The following DACT2 variants were observed in gnomAD, a reference collection of about 807,000 sequenced individuals.
DACT2 encodes dishevelled binding antagonist of beta catenin 2, also known as dapper homolog 2.
In DACT2, 20 loss-of-function variants were observed where a neutral mutation model predicts 22.2. The ratio of observed to expected loss-of-function variants is 0.90; its 90% CI spans 0.63 to 1.31. The LOEUF (loss-of-function observed/expected upper bound fraction) is 1.31, where lower values mean the gene tolerates loss of function less well. DACT2 is among the 50% of genes most tolerant of loss of function. The pLI is 0.00. For missense variants in DACT2, 1,048 were observed against 1,061.4 expected (o/e 0.99, Z 0.18); for synonymous variants, 463 against 479.8 (o/e 0.96, Z 0.46).
At chr6:168,311,103 T>G in intron 2 of DACT2, 49 bp downstream of exon 2, 1 of 1,481,670 alleles carries the variant, frequency 6.7e-7, no homozygotes. Context: ...CACCTCTGCC[T>G]GTGCTGCGTG....
rs772530731 is a variant in DACT2, at chr6:168,307,668, G to A, written c.2089C>T (p.Arg697Cys). 10 of 1,549,292 alleles carry A rather than the reference G, an allele frequency of 6.5e-6. No homozygotes were observed. In the East Asian group the frequency reaches 1.5e-4, roughly 23 times the overall value. ...TCCTCGTCGCTGCTGCTGGACTCAC[G>A]GTCTCCGAATCGGTTGGTGGTGTGG... ...SDHTTNRFGDRESSSSDEEGG... is the reference protein window; with the variant it reads ...SDHTTNRFGDCESSSSDEEGG... The change falls in exon 4 of 4, where the codon CGT becomes TGT. Residue 697 changes from arginine (R) to cysteine (C), a missense_variant. Transcript: ENST00000366795. This position sits in a 1 kb window ranked among gnomAD's most constrained non-coding sequence, Gnocchi z 5.3.
rs532988991 is a variant in DACT2 at position 168,310,364 on chromosome 6, C to A, written c.462G>T (p.Ser154=). 3 of 1,551,598 alleles carry A rather than the reference C, an allele frequency of 1.9e-6. No homozygotes were observed. The highest frequency in any genetic ancestry group is 2.6e-6 in the Non-Finnish European group (3 of 1,146,956). The change falls in exon 3 of 4, where the codon TCG becomes TCT. Residue 154 remains serine, a synonymous_variant. Transcript: ENST00000366795. ...ASVCSDHISP[S]LGSLLPVAQA... ...GGGCCACAGGCAACAAACTGCCCAG[C>A]GAGGGAGAGATGTGGTCACTGCAGA...
At chr6:168,306,652 A>T (rs1779214112), downstream of DACT2, among the ~76,000 whole-genome samples, 3 of 149,630 alleles carry the variant, frequency 2.0e-5, no homozygotes, top group South Asian at 6.3e-4. Flanking sequence ...GGGTTTCACC[A>T]TGTTGGCCAG....
intron 3 of DACT2, chr6:168,298,926 G>A (rs1779053421): frequency 6.6e-6 from 1 of 152,052 alleles, no homozygotes; most frequent in Non-Finnish European, 1.5e-5. Context: ...GATTGTCATG[G>A]GCACCAGAAG....
intron 3 of DACT2, among the ~76,000 whole-genome samples, chr6:168,309,335 T>TA (rs1195452509): frequency 6.6e-6 from 1 of 151,932 alleles, no homozygotes; most frequent in African/African-American, 2.4e-5. Flanking sequence ...GGAATGCGTT[T>TA]AGACACAGGG....
chr6:168,310,558 A>C, intron 2 of DACT2, 112 bp from the exon 3 acceptor site: 1 of 1,356,622 alleles, frequency 7.4e-7, no homozygotes, highest in South Asian at 1.5e-5. Flanking sequence ...CCCTGAGCTG[A>C]GGCTACCGGA....
chr6:168,311,375 A>T, intron 1 of DACT2, 91 bp from the exon 2 acceptor site: 1 of 1,411,432 alleles, frequency 7.1e-7, no homozygotes, highest in Non-Finnish European at 9.4e-7. Context: ...TTGTGAATGC[A>T]ATTTAAACTC....
At chr6:168,296,291 A>G (rs1043475248) in intron 3 of DACT2, among the ~76,000 whole-genome samples, 17 of 147,972 alleles carry the variant, frequency 1.1e-4, no homozygotes, top group South Asian at 4.4e-4. Context: ...ACAGGCACCC[A>G]GAATCAGGGA....
Position 168,311,081 on chromosome 6 carries a change from C to T in DACT2, c.379+71G>A, listed in dbSNP as rs542675055. The T allele has an allele frequency of 5.2e-5, 74 of 1,425,346 alleles. 1 individual carries two copies. Among genetic ancestry groups the T allele is most frequent in the Admixed American group, 3.3e-4 (13 of 38,850 alleles). 88.3% of individuals were successfully genotyped at this position (1,425,346 alleles called of 1,614,324 possible). A position where few individuals can be genotyped will look rare whatever the true frequency, so the allele number is the denominator to read the frequency against. On this transcript the variant is annotated intron_variant, in intron 2 of 3. Coordinates refer to ENST00000366795, the MANE Select transcript of DACT2 (RefSeq NM_214462.5). ...GGAATTTCAGCCCAAGAGGGGCTGG[C>T]GGGATAGGCTTCACCTCTGCCTGTG...
intron 3 of DACT2, among the ~76,000 whole-genome samples, chr6:168,309,488 G>A (rs903414653): frequency 5.9e-5 from 9 of 152,374 alleles, no homozygotes; most frequent in South Asian, 2.1e-4. Context: ...CGCCTGCAGC[G>A]CGGCCCCCTC....
At chr6:168,311,095 C>A in intron 2 of DACT2, 57 bp downstream of exon 2, 2 of 1,470,070 alleles carry the variant, frequency 1.4e-6, no homozygotes, top group Non-Finnish European at 1.8e-6. Flanking sequence ...ATAGGCTTCA[C>A]CTCTGCCTGT....
intron 3 of DACT2, among the ~76,000 whole-genome samples, chr6:168,295,378 G>A (rs1295599243): frequency 6.6e-6 from 1 of 152,170 alleles, no homozygotes; most frequent in Non-Finnish European, 1.5e-5. Flanking sequence ...TGGTTTGATT[G>A]CAGGCACTGA....
intron 5 of DACT2, chr6:168,294,088 G>A (rs1391475434): frequency 1.4e-6 from 1 of 702,974 alleles, no homozygotes; most frequent in South Asian, 1.5e-5. Context: ...TGGCAGTTGT[G>A]CAGCTAGACC....
chr6:168,294,047 A>C lies in DACT2; in HGVS notation c.795+86T>G, dbSNP rs374525899. The C allele has an allele frequency of 3.4e-5, 24 of 702,760 alleles. 1 individual carries two copies. Among genetic ancestry groups the C allele is most frequent in the African/African-American group, 1.4e-4 (8 of 57,268 alleles). 43.5% of individuals were successfully genotyped at this position (702,760 alleles called of 1,614,324 possible). ...CTTTGCCTCCCCGTCCCCACAGAGC[A>C]CCCACGATGCCCATGAGCACAGACC... On this transcript the variant is annotated intron_variant, in intron 5 of 5. Transcript: ENST00000366796.
Position 168,307,048 on chromosome 6 carries a change from T to C in DACT2, c.*384A>G, listed in dbSNP as rs1424253191. The C allele has an allele frequency of 4.9e-6, 5 of 1,021,828 alleles. No homozygotes were observed. The highest frequency in any genetic ancestry group is 3.4e-5 in the African/African-American group (2 of 58,312). The allele number at this position is 1,021,828 out of a possible 1,614,324, so 63.3% of individuals were successfully genotyped here. On this transcript the variant is annotated 3_prime_UTR_variant, in exon 4 of 4. Transcript: ENST00000366795. This position sits in a 1 kb window ranked among gnomAD's most constrained non-coding sequence, Gnocchi z 5.3. ...TGCAACCGCCTCTTTAAAATGCTTT[T>C]GGGGAGGAATGGTCAAAGGATTGGG...
rs778559132 is a variant in DACT2 at position 168,294,575 on chromosome 6, G to GTA, written c.730+57_730+58insTA. On this transcript the variant is annotated intron_variant, in intron 4 of 5. Coordinates refer to the DACT2 transcript ENST00000366796. Reference sequence around the variant, plus strand: ...TGTGTGTGTGTATGTGTGTGTGTGTGTGTATATATATATATATATATATAT... The same window carrying GTA: ...TGTGTGTGTGTATGTGTGTGTGTGTGTATGTATATATATATATATATATATAT... The GTA allele has an allele frequency of 9.8e-4, 335 of 342,420 alleles. No individual in the cohort carries two copies. The African/African-American group carries it at 0.013, about 14-fold the overall frequency. The allele number at this position is 342,420 out of a possible 1,614,324, so 21.2% of individuals were successfully genotyped here.
rs759759498 is a variant in DACT2, at chr6:168,308,246, A to G, written c.1511T>C (p.Met504Thr). The change falls in exon 4 of 4, where the codon ATG (methionine) becomes ACG (threonine). Residue 504 changes from methionine (M) to threonine (T), a missense_variant. Met to Thr is a moderately conservative substitution (Grantham distance 81). Coordinates refer to ENST00000366795, the MANE Select transcript of DACT2 (RefSeq NM_214462.5). Reference protein sequence around the residue: ...SKAEKIKRSPMDKVLRFARQP... With the variant: ...SKAEKIKRSPTDKVLRFARQP... ...CCTTGCAAACCTCAGCACCTTGTCC[A>G]TGGGACTTCTCTTGATTTTTTCAGC... The G allele has an allele frequency of 7.7e-6, 12 of 1,552,084 alleles. No homozygotes were observed. The highest frequency in any genetic ancestry group is 1.0e-5 in the Non-Finnish European group (12 of 1,147,066).
chr6:168,304,756 G>C (rs187449604), downstream of DACT2, among the ~76,000 whole-genome samples: 1 of 152,196 alleles, frequency 6.6e-6, no homozygotes, highest in African/African-American at 2.4e-5. Flanking sequence ...GGAGGAAGCC[G>C]ACTCAGCCAG....
chr6:168,305,955 C>T (rs1344778964), downstream of DACT2, among the ~76,000 whole-genome samples: 3 of 152,176 alleles, frequency 2.0e-5, no homozygotes, highest in Non-Finnish European at 2.9e-5. Context: ...GCTCTGACCC[C>T]TGGGAAATGC....
Sources: allele counts gnomAD v4.1 joint callset (sites outside exome capture counted in the v4.1 genomes callset), GRCh38; gene constraint gnomAD v4.1.1; non-coding constraint Gnocchi (gnomAD v3.1); transcripts MANE v1.5; gene names NCBI Gene and HGNC (gene_info 2026-07-23, HGNC 2026-07-21).